Variants in SH2D4A observed in about 807,000 individuals in gnomAD.
The protein encoded by SH2D4A is SH2 domain-containing protein 4A.
SH2D4A carries 70 observed loss-of-function variants against 64.7 expected under a neutral mutation model. The ratio of observed to expected loss-of-function variants is 1.08; its 90% confidence interval spans 0.89 to 1.32. The LOEUF (loss-of-function observed/expected upper bound fraction) is 1.32, where lower values mean the gene tolerates loss of function less well. Among genes scored for constraint, SH2D4A ranks in the 40% most tolerant of loss-of-function variants. SH2D4A has a pLI of 0.00. For synonymous variants in SH2D4A, 268 were observed against 200.7 expected (o/e 1.34, Z -2.83); for missense variants, 706 against 540.1 (o/e 1.31, Z -3.04).
At chr8:19,329,380 C>G (rs2052335449) in intron 2 of SH2D4A, among the ~76,000 whole-genome samples, 1 of 152,118 alleles carries the variant, frequency 6.6e-6, no homozygotes, top group African/African-American at 2.4e-5. Context: ...ACCACCCCCA[C>G]CAGCTTTTGA....
intron 4 of SH2D4A, among the ~76,000 whole-genome samples, chr8:19,352,880 A>G (rs999196922): frequency 6.6e-6 from 1 of 152,016 alleles, no homozygotes; most frequent in African/African-American, 2.4e-5. Flanking sequence ...GTGGTAGTGC[A>G]TGCTTGTAGT....
At chr8:19,373,494 G>A (rs778337154) in intron 7 of SH2D4A, 36 bp from the exon 8 acceptor site, 2 of 1,505,016 alleles carry the variant, frequency 1.3e-6, no homozygotes, top group African/African-American at 1.5e-5. Flanking sequence ...TTTCAAATTA[G>A]TTAAATCTAA....
intron 3 of SH2D4A, 93 bp downstream of exon 3, chr8:19,333,207 A>G (rs2052391925): frequency 1.4e-6 from 2 of 1,418,802 alleles, no homozygotes; most frequent in Non-Finnish European, 1.9e-6. Context: ...ATCAGGTGGG[A>G]GAGTAGGGTT....
chr8:19,368,112 ACTAT>A (rs2053031556), intron 7 of SH2D4A, among the ~76,000 whole-genome samples: 1 of 152,136 alleles, frequency 6.6e-6, no homozygotes, highest in South Asian at 2.1e-4. Flanking sequence ...TATTGAAGAG[ACTAT>A]CCTTTCTCCA....
At chr8:19,364,987 T>C (rs2052967833) in intron 7 of SH2D4A, among the ~76,000 whole-genome samples, 2 of 152,190 alleles carry the variant, frequency 1.3e-5, no homozygotes, top group African/African-American at 4.8e-5. Flanking sequence ...TTTTTTCTGG[T>C]TATTGATCTT....
chr8:19,376,396 C>T (rs372815249), intron 8 of SH2D4A, among the ~76,000 whole-genome samples: 14 of 152,160 alleles, frequency 9.2e-5, no homozygotes, highest in South Asian at 4.2e-4. Context: ...CCGAGGCAGG[C>T]GGATCACTTG....
intron 8 of SH2D4A, among the ~76,000 whole-genome samples, chr8:19,379,194 C>T (rs1473236298): frequency 6.6e-6 from 1 of 152,156 alleles, no homozygotes; most frequent in African/African-American, 2.4e-5. Flanking sequence ...AACCCCCAGC[C>T]CCTGGCAACT....
intron 2 of SH2D4A, among the ~76,000 whole-genome samples, chr8:19,321,819 G>C (rs147852976): frequency 1.3e-5 from 2 of 152,134 alleles, no homozygotes; most frequent in Non-Finnish European, 1.5e-5. Context: ...CTTGCCACTA[G>C]AGTCAATGGC....
At chr8:19,340,015 G>A (rs1015040338) in intron 4 of SH2D4A, among the ~76,000 whole-genome samples, 3 of 152,172 alleles carry the variant, frequency 2.0e-5, no homozygotes, top group Admixed American at 2.0e-4. Flanking sequence ...AACAAGTGCT[G>A]TGACTTAAGG....
intron 2 of SH2D4A, among the ~76,000 whole-genome samples, chr8:19,327,690 C>T (rs1238053963): frequency 1.3e-5 from 2 of 152,182 alleles, no homozygotes; most frequent in Admixed American, 6.5e-5. Flanking sequence ...CAACTGTGCT[C>T]TTGAAGTACT....
At chr8:19,326,569 C>T (rs1585147646) in intron 2 of SH2D4A, among the ~76,000 whole-genome samples, 1 of 152,166 alleles carries the variant, frequency 6.6e-6, no homozygotes, top group African/African-American at 2.4e-5. Context: ...GCTGTTGGCT[C>T]AGTCTTTGGT....
intron 4 of SH2D4A, among the ~76,000 whole-genome samples, chr8:19,338,986 T>C (rs2052486095): frequency 6.6e-6 from 1 of 152,144 alleles, no homozygotes; most frequent in Non-Finnish European, 1.5e-5. Context: ...ATCTGCAAGC[T>C]GAGGAGCCAG....
intron 6 of SH2D4A, 107 bp downstream of exon 6, chr8:19,361,421 T>C (rs2153648269): frequency 7.9e-6 from 9 of 1,146,432 alleles, no homozygotes; most frequent in Non-Finnish European, 1.0e-5. Flanking sequence ...TTGAGAGATA[T>C]GTTCACAGTA....
chr8:19,365,868 C>G (rs1399386692), intron 7 of SH2D4A, among the ~76,000 whole-genome samples: 1 of 152,028 alleles, frequency 6.6e-6, no homozygotes, highest in African/African-American at 2.4e-5. Flanking sequence ...AAAAAAGAGC[C>G]TAATTTGGAA....
intron 1 of SH2D4A, among the ~76,000 whole-genome samples, chr8:19,314,854 C>G (rs2052059391): frequency 1.3e-5 from 2 of 152,156 alleles, no homozygotes; most frequent in Non-Finnish European, 2.9e-5. Flanking sequence ...CTGCTGTCAT[C>G]TCTGGTAATT....
intron 9 of SH2D4A, 83 bp downstream of exon 9, chr8:19,393,624 A>C: frequency 7.3e-7 from 1 of 1,377,966 alleles, no homozygotes. Flanking sequence ...TACAAAGAAA[A>C]GGACTGAGAC....
intron 8 of SH2D4A, among the ~76,000 whole-genome samples, chr8:19,383,181 T>C (rs2153651350): frequency 6.6e-6 from 1 of 152,100 alleles, no homozygotes; most frequent in Non-Finnish European, 1.5e-5. Context: ...TTCCACAAAA[T>C]GTATATTGGG....
At chr8:19,335,059 G>A (rs920176029) in intron 4 of SH2D4A, among the ~76,000 whole-genome samples, 5 of 152,010 alleles carry the variant, frequency 3.3e-5, no homozygotes, top group Non-Finnish European at 7.4e-5. Context: ...CAAGGCGGGC[G>A]GATCACGAGG....
intron 8 of SH2D4A, among the ~76,000 whole-genome samples, chr8:19,380,193 C>T (rs915718809): frequency 1.3e-5 from 2 of 152,134 alleles, no homozygotes; most frequent in African/African-American, 4.8e-5. Flanking sequence ...CAAATGTTTA[C>T]TTGAACTCTT....
Sources: allele counts gnomAD v4.1 joint callset (sites outside exome capture counted in the v4.1 genomes callset), GRCh38; gene constraint gnomAD v4.1.1; transcripts MANE v1.5; gene names NCBI Gene and HGNC (gene_info 2026-07-23, HGNC 2026-07-21).